Variants in MACROD2 observed in about 807,000 individuals in gnomAD.
The protein encoded by MACROD2 is mono-ADP ribosylhydrolase 2, also known as ADP-ribose glycohydrolase MACROD2.
In MACROD2, 36 loss-of-function variants were observed where a neutral mutation model predicts 70.4. The ratio of observed to expected loss-of-function variants is 0.51; its 90% CI spans 0.39 to 0.68. MACROD2 has a LOEUF of 0.68. Ranked by LOEUF, MACROD2 falls within the 30% of genes least tolerant of loss-of-function variation. The probability of loss-of-function intolerance (pLI) is 0.00; values close to 1 mark genes in which losing one functional copy is unlikely to be tolerated. For missense variants in MACROD2, 496 were observed against 538.4 expected, an observed-to-expected ratio of 0.92 and a Z score of 0.78; for synonymous variants, 172 against 178.8, an observed-to-expected ratio of 0.96 and a Z score of 0.30.
In MACROD2 at chr20:15,332,356, C is replaced by T. The variant is rs530062162; in HGVS notation, c.541-99049C>T. ...ATTTACTCTAGATCTATACTTCATACGCTTAGGAGGAAGGTTTTTTGCTCT... is the reference window on the plus strand; with the variant it reads ...ATTTACTCTAGATCTATACTTCATATGCTTAGGAGGAAGGTTTTTTGCTCT... On this transcript the variant is annotated intron_variant, in intron 6 of 17. Transcript: ENST00000684519. Among the ~76,000 whole-genome samples the T allele has an allele frequency of 1.1e-4, 16 of 151,574 alleles. 1 individual carries two copies. The highest frequency in any genetic ancestry group is 2.2e-4 in the African/African-American group (9 of 40,976).
chr20:14,660,992 A>T (rs1986198452), intron 4 of MACROD2, among the ~76,000 whole-genome samples: 1 of 152,054 alleles, frequency 6.6e-6, no homozygotes, highest in South Asian at 2.1e-4. Context: ...TGCTATTGTG[A>T]ATAGTGCTGG....
In MACROD2 at chr20:15,901,243, T is replaced by C. The variant is rs370222319; in HGVS notation, c.775+15432T>C. On this transcript the variant is annotated intron_variant, in intron 10 of 17. Transcript: ENST00000684519. ...AAAGGGACTTTCTTCCAGTCTGTCT[T>C]CATCTTCCTGATCTCTATTCCCCTT... Among the ~76,000 whole-genome samples the C allele has an allele frequency of 1.6e-4, 25 of 152,248 alleles. No individual in the cohort carries two copies. In the East Asian group the frequency reaches 4.8e-3, roughly 29 times the overall value.
intron 4 of MACROD2, among the ~76,000 whole-genome samples, chr20:14,557,865 T>C (rs1979146088): frequency 6.6e-6 from 1 of 151,854 alleles, no homozygotes; most frequent in Non-Finnish European, 1.5e-5. Flanking sequence ...CTGGCAATTC[T>C]ACTCATAGGT....
chr20:15,264,913 T>C (rs890362855), intron 6 of MACROD2, among the ~76,000 whole-genome samples: 4 of 151,866 alleles, frequency 2.6e-5, no homozygotes, highest in Non-Finnish European at 5.9e-5. Context: ...GTGGGAGGGG[T>C]CAGAGAGACC....
At chr20:15,613,936 T>C (rs2049003626) in intron 8 of MACROD2, among the ~76,000 whole-genome samples, 1 of 152,258 alleles carries the variant, frequency 6.6e-6, no homozygotes, top group Admixed American at 6.5e-5. Flanking sequence ...AGCCACTTAC[T>C]ATTTTTGACT....
At chr20:15,070,845 G>T (rs184654151) in intron 5 of MACROD2, among the ~76,000 whole-genome samples, 11 of 151,698 alleles carry the variant, frequency 7.3e-5, no homozygotes, top group African/African-American at 2.7e-4. Context: ...CACCAAAAAG[G>T]AATGGAGACA....
chr20:14,518,854 G>A (rs1450019112), intron 4 of MACROD2, among the ~76,000 whole-genome samples: 1 of 152,126 alleles, frequency 6.6e-6, no homozygotes, highest in African/African-American at 2.4e-5. Flanking sequence ...TATGAGTGAG[G>A]TCTGGATTTC....
chr20:14,792,720 A>G (rs1422475655), intron 5 of MACROD2, among the ~76,000 whole-genome samples: 1 of 152,006 alleles, frequency 6.6e-6, no homozygotes, highest in Non-Finnish European at 1.5e-5. Flanking sequence ...AGTTAAAGTA[A>G]CATCCTAGAT....
chr20:14,267,500 A>C (rs1190038204), intron 3 of MACROD2, among the ~76,000 whole-genome samples: 2 of 152,118 alleles, frequency 1.3e-5, no homozygotes, highest in African/African-American at 4.8e-5. Flanking sequence ...AATCTTTCTC[A>C]AGTATCTATT....
chr20:14,055,570 A>G (rs904836238), intron 2 of MACROD2, among the ~76,000 whole-genome samples: 1 of 151,272 alleles, frequency 6.6e-6, no homozygotes, highest in African/African-American at 2.4e-5. Flanking sequence ...AAACTTGTCC[A>G]TTTACCAGTC....
At chr20:14,429,735 C>T (rs903324023) in intron 3 of MACROD2, among the ~76,000 whole-genome samples, 13 of 152,128 alleles carry the variant, frequency 8.5e-5, no homozygotes, top group Admixed American at 2.6e-4. Flanking sequence ...GCAGTTTCCA[C>T]AGGGGAATGG....
intron 5 of MACROD2, among the ~76,000 whole-genome samples, chr20:14,844,207 C>T (rs2423839): frequency 0.033 from 4,998 of 151,922 alleles, 146 homozygotes; most frequent in Non-Finnish European, 0.049. Context: ...TTTTTTTTCC[C>T]CCAAAATCCC....
intron 5 of MACROD2, among the ~76,000 whole-genome samples, chr20:15,033,581 A>G (rs2075291411): frequency 1.3e-5 from 2 of 152,198 alleles, no homozygotes; most frequent in Admixed American, 6.5e-5. Context: ...CTGAAATGAA[A>G]TGGTCTTCAT....
chr20:14,970,709 G>T (rs768596940), intron 5 of MACROD2, among the ~76,000 whole-genome samples: 1 of 152,112 alleles, frequency 6.6e-6, no homozygotes, highest in Non-Finnish European at 1.5e-5. Flanking sequence ...GGAGTGCTAT[G>T]GTACAGTCAT....
At chr20:14,344,249 C>T (rs2083042762) in intron 3 of MACROD2, among the ~76,000 whole-genome samples, 1 of 152,076 alleles carries the variant, frequency 6.6e-6, no homozygotes, top group South Asian at 2.1e-4. Flanking sequence ...CATTTATTGC[C>T]CCTTGGGAAC....
intron 3 of MACROD2, among the ~76,000 whole-genome samples, chr20:14,395,212 T>C (rs377663187): frequency 1.8e-4 from 27 of 152,230 alleles, no homozygotes; most frequent in East Asian, 1.5e-3. Context: ...CATCTGGTCC[T>C]GGAGTGATTA....
chr20:14,458,586 A>T (rs1304945938), intron 3 of MACROD2, among the ~76,000 whole-genome samples: 1 of 152,130 alleles, frequency 6.6e-6, no homozygotes, highest in African/African-American at 2.4e-5. Flanking sequence ...GTTGGTGAGC[A>T]CATGGAGGTG....
intron 5 of MACROD2, among the ~76,000 whole-genome samples, chr20:15,168,854 GA>G (rs1291747877): frequency 6.6e-6 from 1 of 152,038 alleles, no homozygotes; most frequent in African/African-American, 2.4e-5. Flanking sequence ...ATATATGCTA[GA>G]ACATGAATGA....
intron 5 of MACROD2, among the ~76,000 whole-genome samples, chr20:14,744,030 G>GA (rs1402412656): frequency 1.3e-5 from 2 of 151,908 alleles, no homozygotes; most frequent in South Asian, 2.1e-4. Context: ...AGAGACTCCA[G>GA]AAAAAAAATC....
Sources: allele counts gnomAD v4.1 joint callset (sites outside exome capture counted in the v4.1 genomes callset), GRCh38; gene constraint gnomAD v4.1.1; transcripts MANE v1.5; gene names NCBI Gene and HGNC (gene_info 2026-07-23, HGNC 2026-07-21).